The following CCDC3 variants were observed in gnomAD, a reference collection of about 807,000 sequenced individuals.
The protein encoded by CCDC3 is coiled-coil domain containing 3, also known as coiled-coil domain-containing protein 3.
CCDC3 carries 24 observed loss-of-function variants against 21.4 expected under a neutral mutation model. The observed-to-expected ratio is 1.12, with a 90% CI of 0.81 to 1.58. The LOEUF (loss-of-function observed/expected upper bound fraction) is 1.58, where lower values mean the gene tolerates loss of function less well. Among genes scored for constraint, CCDC3 ranks in the 40% most tolerant of loss-of-function variants. The probability of loss-of-function intolerance (pLI) is 0.00; values close to 1 mark genes in which losing one functional copy is unlikely to be tolerated. For synonymous variants in CCDC3, 186 were observed against 166.0 expected, an observed-to-expected ratio of 1.12 and a Z score of -0.93; for missense variants, 425 against 360.9, an observed-to-expected ratio of 1.18 and a Z score of -1.44.
At chr10:13,067,977 T>C (rs1248413488) in intron 4 of CCDC3, among the ~76,000 whole-genome samples, 2 of 152,194 alleles carry the variant, frequency 1.3e-5, no homozygotes, top group Non-Finnish European at 1.5e-5. Context: ...TTTTTCTCAG[T>C]AGACTGAATT....
At chr10:12,905,525 C>T (rs184989248) in intron 2 of CCDC3, among the ~76,000 whole-genome samples, 24 of 152,338 alleles carry the variant, frequency 1.6e-4, no homozygotes, top group Non-Finnish European at 2.2e-4. Context: ...GTGCCAGAGA[C>T]GCCCAAGAAC....
In CCDC3 at chr10:12,985,302, C is replaced by G. The variant is rs377086369; in HGVS notation, c.549+13036G>C. Among the ~76,000 whole-genome samples the G allele has an allele frequency of 1.2e-4, 18 of 152,338 alleles. No homozygotes were observed. The East Asian group carries it at 3.3e-3, about 28-fold the overall frequency. On this transcript the variant is annotated intron_variant, in intron 2 of 2. Transcript: ENST00000378825. ...CGAATGCTGGCAACGAGGCAGGGAA[C>G]TGGATGCTTTATCCATTGCTGATAG...
intron 2 of CCDC3, among the ~76,000 whole-genome samples, chr10:12,910,273 C>T (rs1193822165): frequency 6.6e-6 from 1 of 152,204 alleles, no homozygotes; most frequent in African/African-American, 2.4e-5. Context: ...GGTTGTGCCG[C>T]TTGCTGGCTA....
At chr10:12,913,663 C>T (rs998989164) in intron 2 of CCDC3, among the ~76,000 whole-genome samples, 2 of 152,198 alleles carry the variant, frequency 1.3e-5, no homozygotes, top group Non-Finnish European at 2.9e-5. Flanking sequence ...TATTCCTGAT[C>T]TTAGAAGAAA....
intron 2 of CCDC3, among the ~76,000 whole-genome samples, chr10:12,912,074 C>T (rs565827804): frequency 2.1e-4 from 32 of 152,248 alleles, no homozygotes; most frequent in Admixed American, 9.8e-4. Context: ...TTCCCTATCT[C>T]GACTATTGTA....
intron 2 of CCDC3, among the ~76,000 whole-genome samples, chr10:12,977,987 T>C (rs1403099902): frequency 6.6e-6 from 1 of 151,764 alleles, no homozygotes; most frequent in Non-Finnish European, 1.5e-5. Context: ...ACCACATGTA[T>C]CGCTTGGGAA....
chr10:12,973,207 A>AG (rs1238546471), intron 2 of CCDC3, among the ~76,000 whole-genome samples: 3 of 152,146 alleles, frequency 2.0e-5, no homozygotes, highest in African/African-American at 7.2e-5. Context: ...GATGGATTAC[A>AG]GGGGAAGGGA....
At chr10:13,002,039 T>G (rs1035508863), upstream of CCDC3, among the ~76,000 whole-genome samples, 2 of 152,188 alleles carry the variant, frequency 1.3e-5, no homozygotes, top group African/African-American at 2.4e-5. Context: ...CTGCCTAAGT[T>G]TTTACATTTT....
At chr10:13,082,103 A>G (rs1471476665) in intron 3 of CCDC3, among the ~76,000 whole-genome samples, 2 of 152,230 alleles carry the variant, frequency 1.3e-5, no homozygotes, top group African/African-American at 4.8e-5. Flanking sequence ...AAATAAAGAC[A>G]CAAGACAAAG....
chr10:13,036,287 C>T (rs993712346), intron 5 of CCDC3, among the ~76,000 whole-genome samples: 2 of 152,118 alleles, frequency 1.3e-5, no homozygotes, highest in Non-Finnish European at 2.9e-5. Flanking sequence ...ATACTGTTGA[C>T]CTCACTGAAT....
Position 13,001,322 on chromosome 10 carries a change from G to A in CCDC3, c.249C>T (p.Cys83=). The change falls in exon 1 of 3, where the codon TGC becomes TGT. Residue 83 remains cysteine, a synonymous_variant. Transcript: ENST00000378825. ...CCAGCATGCTGCCCCACGCCTGGTC[G>A]CACAGCATCTCGACCTCGGCCGAGT... ...LFYSAEVEML[C]DQAWGSMLEV... 3 of 1,606,088 alleles carry A rather than the reference G, an allele frequency of 1.9e-6. No homozygotes were observed. Among genetic ancestry groups the A allele is most frequent in the African/African-American group, 1.3e-5 (1 of 75,004 alleles).
At chr10:12,991,457 A>G (rs1421152472) in intron 2 of CCDC3, among the ~76,000 whole-genome samples, 1 of 152,074 alleles carries the variant, frequency 6.6e-6, no homozygotes, top group Non-Finnish European at 1.5e-5. Flanking sequence ...GGTAGCTGGG[A>G]TTACAAGCAT....
At chr10:12,935,623 G>A (rs1834723873) in intron 2 of CCDC3, among the ~76,000 whole-genome samples, 2 of 149,948 alleles carry the variant, frequency 1.3e-5, no homozygotes, top group Non-Finnish European at 3.0e-5. Context: ...TTTTTTATTG[G>A]TTGTCCTAGA....
rs1835853983 is a variant in CCDC3, at chr10:13,001,488, C to T, written c.83G>A (p.Trp28Ter). ...GCGGCAGCCCTCGCTCAGGGGCCTC[C>T]ACTCGGAGGGCAGCTGGCAGGCGCG... ...PARACQLPSE[W>*]RPLSEGCRAE... The change falls in exon 1 of 3, where the codon TGG (tryptophan) becomes TAG (stop). Residue 28 changes from tryptophan to a stop codon, truncating the protein, a stop_gained. Coordinates refer to ENST00000378825, the MANE Select transcript of CCDC3 (RefSeq NM_031455.4). LOFTEE classifies it high-confidence loss of function. 4 of 1,364,988 alleles carry T rather than the reference C, an allele frequency of 2.9e-6. No individual in the cohort carries two copies. The Admixed American group carries it at 1.1e-4, about 39-fold the overall frequency. 84.6% of individuals were successfully genotyped at this position (1,364,988 alleles called of 1,614,324 possible). A position where few individuals can be genotyped will look rare whatever the true frequency, so the allele number is the denominator to read the frequency against.
At chr10:12,944,435 G>C (rs1015065658) in intron 2 of CCDC3, among the ~76,000 whole-genome samples, 1 of 152,230 alleles carries the variant, frequency 6.6e-6, no homozygotes, top group Non-Finnish European at 1.5e-5. Context: ...GGAAATGTTT[G>C]AATCTGCCTC....
intron 2 of CCDC3, among the ~76,000 whole-genome samples, chr10:12,924,313 T>C (rs946421772): frequency 2.6e-5 from 4 of 152,170 alleles, no homozygotes; most frequent in Non-Finnish European, 4.4e-5. Flanking sequence ...ATGGAGGGCA[T>C]TGCACTGGTA....
chr10:13,043,639 C>T (rs762287019), intron 5 of CCDC3, among the ~76,000 whole-genome samples: 13 of 151,924 alleles, frequency 8.6e-5, no homozygotes, highest in Non-Finnish European at 1.6e-4. Context: ...ACAATAAAGA[C>T]ATAAAGACAA....
intron 2 of CCDC3, among the ~76,000 whole-genome samples, chr10:12,936,317 C>A (rs1403518208): frequency 6.6e-6 from 1 of 152,034 alleles, no homozygotes; most frequent in Non-Finnish European, 1.5e-5. Context: ...GGATACACTT[C>A]TTATATTTTT....
intron 2 of CCDC3, among the ~76,000 whole-genome samples, chr10:12,967,693 C>T (rs1007570951): frequency 6.6e-6 from 1 of 151,940 alleles, no homozygotes. Context: ...AACAAAAATA[C>T]TTGAGTTACA....
Sources: gnomAD v4.1 joint callset for allele counts (sites outside exome capture counted in the v4.1 genomes callset) on GRCh38, gnomAD v4.1.1 for gene constraint, MANE v1.5 for transcripts, NCBI Gene and HGNC (gene_info 2026-07-23, HGNC 2026-07-21) for gene names.